Variants in PFKFB2 observed in about 807,000 individuals in gnomAD.
The protein encoded by PFKFB2 is 6-phosphofructo-2-kinase/fructose-2,6-bisphosphatase 2.
PFKFB2 carries 53 observed loss-of-function variants against 68.0 expected under a neutral mutation model. The observed-to-expected ratio is 0.78, with a 90% confidence interval of 0.63 to 0.98. The LOEUF is 0.98. Ranked by LOEUF, PFKFB2 falls within the 50% of genes least tolerant of loss-of-function variation. PFKFB2 has a pLI of 0.00. For missense variants in PFKFB2, 451 were observed against 642.0 expected (o/e 0.70, Z 3.22); for synonymous variants, 222 against 227.6 (o/e 0.98, Z 0.22).
upstream of PFKFB2, chr1:207,050,547 G>A (rs1682714058): frequency 9.1e-7 from 1 of 1,101,596 alleles, no homozygotes; most frequent in African/African-American, 1.6e-5. Flanking sequence ...AGCATTCTCT[G>A]TTCTTTGATC....
chr1:207,037,636 C>T (rs867759371), intron 1 of PFKFB2, among the ~76,000 whole-genome samples: 2 of 152,162 alleles, frequency 1.3e-5, no homozygotes, highest in African/African-American at 2.4e-5. Flanking sequence ...CAAATACTTC[C>T]CCCCTTCATC....
chr1:207,063,033 A>T lies in PFKFB2; in HGVS notation c.309-110A>T. The T allele has an allele frequency of 1.1e-6, 1 of 914,262 alleles. No homozygotes were observed. Among genetic ancestry groups the T allele is most frequent in the Non-Finnish European group, 1.8e-6 (1 of 551,296 alleles). The allele number at this position is 914,262 out of a possible 1,614,324, so 56.6% of individuals were successfully genotyped here. On this transcript the variant is annotated intron_variant, in intron 4 of 14. Transcript: ENST00000367080. This position sits in a 1 kb window ranked among gnomAD's most constrained non-coding sequence, Gnocchi z 4.1. ...ATCTAGTTAGAGAAAGGTTTTGAAC[A>T]GTGGGAAACTAAGTGGGCAGGGATG...
At chr1:207,061,147 ATATATTTATATATATCTT>A (rs1683092196) in intron 2 of PFKFB2, among the ~76,000 whole-genome samples, 1 of 107,404 alleles carries the variant, frequency 9.3e-6, no homozygotes, top group African/African-American at 3.9e-5. Context: ...ATATCTTTAT[ATATATTTATATATATCTT>A]TATATATATA....
chr1:207,057,478 A>AG (rs1286752835), intron 2 of PFKFB2, among the ~76,000 whole-genome samples: 6 of 146,156 alleles, frequency 4.1e-5, no homozygotes, highest in Admixed American at 3.3e-4. Context: ...ACTCCATCTC[A>AG]GGGGGAAAAA....
At chr1:207,054,571 A>G (rs1682858989) in intron 1 of PFKFB2, 130 bp from the exon 2 acceptor site, 1 of 594,202 alleles carries the variant, frequency 1.7e-6, no homozygotes, top group African/African-American at 1.9e-5. Flanking sequence ...ACTGGGAGAA[A>G]CAGGACTGAA....
rs923224464 is a variant in PFKFB2, at chr1:207,075,304, T to C, written c.*2933T>C. On this transcript the variant is annotated 3_prime_UTR_variant, in exon 15 of 15. Coordinates refer to ENST00000367080, the MANE Select transcript of PFKFB2 (RefSeq NM_006212.2). ...GAGCTGAGGTGGTCTTATCCTCAGA[T>C]AGGACATGAGAAATTGGAATTTGGC... The C allele has an allele frequency of 3.0e-6, 3 of 985,444 alleles. No homozygotes were observed. Among genetic ancestry groups the C allele is most frequent in the South Asian group, 4.7e-5 (1 of 21,286 alleles). The allele number at this position is 985,444 out of a possible 1,614,324, so 61.0% of individuals were successfully genotyped here. A position where few individuals can be genotyped will look rare whatever the true frequency, so the allele number is the denominator to read the frequency against.
At position 207,073,739 on chromosome 1, in the gene PFKFB2, G is replaced by T. The variant is rs1375892960; in HGVS notation, c.*1368G>T. 8 of 984,684 alleles carry T rather than the reference G, an allele frequency of 8.1e-6. No individual in the cohort carries two copies. In the South Asian group the frequency reaches 2.8e-4, roughly 35 times the overall value. 61.0% of individuals were successfully genotyped at this position (984,684 alleles called of 1,614,324 possible). A position where few individuals can be genotyped will look rare whatever the true frequency, so the allele number is the denominator to read the frequency against. ...TTCATTTTCTTTGTAGGGTTAAACA[G>T]AAAATGTTTAGGGAAGAAATTCTTA... On this transcript the variant is annotated 3_prime_UTR_variant, in exon 15 of 15. Transcript: ENST00000367080.
In PFKFB2 at chr1:207,073,646, G is replaced by A; in HGVS notation, c.*1275G>A. The A allele has an allele frequency of 1.0e-6, 1 of 983,450 alleles. No individual in the cohort carries two copies. The highest frequency in any genetic ancestry group is 5.2e-4 in the Middle Eastern group (1 of 1,906). The allele number at this position is 983,450 out of a possible 1,614,324, so 60.9% of individuals were successfully genotyped here. The stretch of plus-strand genomic sequence containing the variant: ...AGAAACTATCTCATCTTGATGTCCA[G>A]AGAAGTCCTTGGAACCCTGTGGGAT... On this transcript the variant is annotated 3_prime_UTR_variant, in exon 15 of 15. Transcript: ENST00000367080.
chr1:207,036,465 C>A (rs1022954136), intron 1 of PFKFB2, among the ~76,000 whole-genome samples: 4 of 152,174 alleles, frequency 2.6e-5, no homozygotes, highest in African/African-American at 9.7e-5. Flanking sequence ...ATACTTCAGG[C>A]AATTACTACT....
Position 207,073,264 on chromosome 1 carries a change from G to A in PFKFB2, c.*893G>A. ...GGTCTGCAGAGTGGGGTTTAGGAGA[G>A]TAGGGTGGGCTCTAGCTCTTGCAGG... On this transcript the variant is annotated 3_prime_UTR_variant, in exon 15 of 15. Transcript: ENST00000367080. The A allele has an allele frequency of 1.0e-6, 1 of 985,460 alleles. No individual in the cohort carries two copies. Among genetic ancestry groups the A allele is most frequent in the Non-Finnish European group, 1.2e-6 (1 of 829,954 alleles). 61.0% of individuals were successfully genotyped at this position (985,460 alleles called of 1,614,324 possible). A position where few individuals can be genotyped will look rare whatever the true frequency, so the allele number is the denominator to read the frequency against.
upstream of PFKFB2, chr1:207,048,981 G>A (rs758139970): frequency 1.3e-6 from 2 of 1,564,264 alleles, no homozygotes; most frequent in Non-Finnish European, 8.7e-7. Flanking sequence ...CCTTCTGGAT[G>A]TGTGAGGTAG....
chr1:207,061,288 T>C (rs1460167653), intron 2 of PFKFB2, among the ~76,000 whole-genome samples: 2 of 146,558 alleles, frequency 1.4e-5, no homozygotes, highest in Non-Finnish European at 3.0e-5. Context: ...TTCTCCCAAA[T>C]TGATGGGATT....
chr1:207,041,128 C>T (rs1344048622), intron 1 of PFKFB2, among the ~76,000 whole-genome samples: 11 of 151,754 alleles, frequency 7.2e-5, no homozygotes, highest in African/African-American at 7.3e-5. Context: ...AGGGTTTCAC[C>T]GTGTTAGCCA....
At chr1:207,065,597 C>T (rs1450200391) in intron 8 of PFKFB2, among the ~76,000 whole-genome samples, 4 of 152,088 alleles carry the variant, frequency 2.6e-5, no homozygotes, top group Non-Finnish European at 5.9e-5. Flanking sequence ...AGTAATCCAC[C>T]CGCCTCGGCC....
chr1:207,050,702 A>G (rs751278996), upstream of PFKFB2: 5 of 1,613,108 alleles, frequency 3.1e-6, no homozygotes, highest in South Asian at 5.5e-5. Context: ...TTGGATGGGC[A>G]AGTCTTCCAG....
intron 1 of PFKFB2, among the ~76,000 whole-genome samples, chr1:207,036,006 T>C (rs1572703388): frequency 6.6e-6 from 1 of 152,230 alleles, no homozygotes; most frequent in East Asian, 1.9e-4. Context: ...ACCTGAGACC[T>C]AGTAATTGAT....
chr1:207,066,043 A>T (rs1683278601), intron 8 of PFKFB2, among the ~76,000 whole-genome samples: 1 of 152,222 alleles, frequency 6.6e-6, no homozygotes. Context: ...CATAACATAT[A>T]TATTACATAT....
chr1:207,058,572 G>A (rs986960079), intron 2 of PFKFB2, among the ~76,000 whole-genome samples: 1 of 152,142 alleles, frequency 6.6e-6, no homozygotes, highest in Non-Finnish European at 1.5e-5. Context: ...TTACACGAGG[G>A]AAGTTATCAA....
chr1:207,076,111 G>A lies in PFKFB2; in HGVS notation c.*3740G>A. 2 of 985,294 alleles carry A rather than the reference G, an allele frequency of 2.0e-6. No homozygotes were observed. The highest frequency in any genetic ancestry group is 2.4e-6 in the Non-Finnish European group (2 of 829,830). 61.0% of individuals were successfully genotyped at this position (985,294 alleles called of 1,614,324 possible). On this transcript the variant is annotated 3_prime_UTR_variant, in exon 15 of 15. Coordinates refer to ENST00000367080, the MANE Select transcript of PFKFB2 (RefSeq NM_006212.2). ...AGGACACAATATATTTGTACCCCTA[G>A]ACTGAATGGGTGAGTATTCCATATG...
Sources: allele counts gnomAD v4.1 joint callset (sites outside exome capture counted in the v4.1 genomes callset), GRCh38; gene constraint gnomAD v4.1.1; non-coding constraint Gnocchi (gnomAD v3.1); transcripts MANE v1.5; gene names NCBI Gene and HGNC (gene_info 2026-07-23, HGNC 2026-07-21).